The following CTTN variants were observed in gnomAD, a reference collection of about 807,000 sequenced individuals.
CTTN encodes src substrate cortactin.
A neutral mutation model predicts 84.0 loss-of-function variants in CTTN; 28 were observed. That is an observed-to-expected ratio of 0.33 (90% CI 0.25 to 0.46). The LOEUF (loss-of-function observed/expected upper bound fraction) is 0.46. CTTN is among the 20% of genes least tolerant of loss of function. The pLI is 1.00. For synonymous variants in CTTN, 301 were observed against 288.8 expected (o/e 1.04, Z -0.43); for missense variants, 641 against 723.8 (o/e 0.89, Z 1.31).
chr11:70,415,087 G>A (rs981468162), intron 6 of CTTN, among the ~76,000 whole-genome samples: 13 of 152,088 alleles, frequency 8.5e-5, no homozygotes, highest in Non-Finnish European at 1.3e-4. Context: ...GATTCTCTTC[G>A]GCTCGGGTCT....
Position 70,436,343 on chromosome 11 carries a change from G to T in CTTN, c.*1181G>T, listed in dbSNP as rs2058417085. 6.3e-7 allele frequency: 1 copy of T among 1,598,236 alleles called. No individual in the cohort carries two copies. The highest frequency in any genetic ancestry group is 1.7e-5 in the Admixed American group (1 of 59,996). On this transcript the variant is annotated 3_prime_UTR_variant, in exon 18 of 18. Transcript: ENST00000301843. ...ACCAGTCCCGTCGTGCAGTCAGGTGGGCGGTGTGTCTTTCCAGAAGGTCAC... is the reference window on the plus strand; with the variant it reads ...ACCAGTCCCGTCGTGCAGTCAGGTGTGCGGTGTGTCTTTCCAGAAGGTCAC...
At chr11:70,431,771 C>T (rs1287474511) in intron 15 of CTTN, among the ~76,000 whole-genome samples, 2 of 152,152 alleles carry the variant, frequency 1.3e-5, no homozygotes, top group East Asian at 3.8e-4. Flanking sequence ...TCCGGCCCCT[C>T]CCTGTGCTGC....
intron 17 of CTTN, 36 bp downstream of exon 17, chr11:70,433,754 C>T: frequency 7.1e-7 from 1 of 1,401,510 alleles, no homozygotes; most frequent in Non-Finnish European, 1.0e-6. Flanking sequence ...AGGGGAGACC[C>T]AGGCAGCTGC....
At chr11:70,433,309 C>G (rs1254954012) in intron 16 of CTTN, 31 bp downstream of exon 16, 1 of 1,573,620 alleles carries the variant, frequency 6.4e-7, no homozygotes, top group African/African-American at 1.4e-5. Context: ...AGCGCCCTGC[C>G]CAGGGCAGGG....
intron 11 of CTTN, 98 bp from the exon 12 acceptor site, chr11:70,422,842 C>T: frequency 1.3e-6 from 2 of 1,584,648 alleles, no homozygotes; most frequent in South Asian, 1.1e-5. Context: ...CTGTGGTGCA[C>T]CTTCTTGGGC....
At position 70,436,229 on chromosome 11, in the gene CTTN, C is replaced by G; in HGVS notation, c.*1067C>G. 1.3e-6 allele frequency: 2 copies of G among 1,583,866 alleles called. No individual in the cohort carries two copies. Among genetic ancestry groups the G allele is most frequent in the South Asian group, 2.2e-5 (2 of 89,706 alleles). ...AGTGTGTGTTCTTCCCCAAGGTCCC[C>G]CCACAGCTCCAGGACACCGCTGTCC... On this transcript the variant is annotated 3_prime_UTR_variant, in exon 18 of 18. Transcript: ENST00000301843.
chr11:70,433,582 C>T, intron 16 of CTTN, 65 bp from the exon 17 acceptor site: 1 of 1,263,526 alleles, frequency 7.9e-7, no homozygotes, highest in Non-Finnish European at 1.2e-6. Context: ...TCGTCTAAAA[C>T]TTGAGAAGGC....
chr11:70,399,502 A>G (rs1029311446), intron 1 of CTTN, among the ~76,000 whole-genome samples: 28 of 152,166 alleles, frequency 1.8e-4, no homozygotes, highest in African/African-American at 4.8e-4. Flanking sequence ...AGGTTTTGCA[A>G]TCAGGTCAGT....
At chr11:70,402,517 A>G (rs2057998755) in intron 1 of CTTN, among the ~76,000 whole-genome samples, 2 of 152,220 alleles carry the variant, frequency 1.3e-5, no homozygotes, top group South Asian at 2.1e-4. Context: ...GCCCTGGGCA[A>G]CCAGCAATGT....
At chr11:70,426,413 A>G (rs565821321) in intron 13 of CTTN, among the ~76,000 whole-genome samples, 235 of 150,534 alleles carry the variant, frequency 1.6e-3, no homozygotes, top group African/African-American at 5.5e-3. Flanking sequence ...TCCGTCTCAA[A>G]AAAAAAAAAA....
chr11:70,417,352 G>GTTAT (rs760706283), intron 8 of CTTN, among the ~76,000 whole-genome samples: 138 of 152,076 alleles, frequency 9.1e-4, no homozygotes, highest in Middle Eastern at 6.8e-3. Flanking sequence ...TGGAATTTAG[G>GTTAT]TTATTTATTT....
intron 12 of CTTN, among the ~76,000 whole-genome samples, 179 bp downstream of exon 12, chr11:70,423,174 G>A (rs1425438342): frequency 2.0e-5 from 3 of 152,270 alleles, no homozygotes; most frequent in African/African-American, 4.8e-5. Context: ...TGGCCGTGCT[G>A]TGGGATAGGC....
At chr11:70,414,450 A>G in intron 5 of CTTN, 92 bp from the exon 6 acceptor site, 1 of 903,546 alleles carries the variant, frequency 1.1e-6, no homozygotes, top group South Asian at 1.5e-5. Flanking sequence ...TGCACTGACC[A>G]GGATGTGGCC....
intron 1 of CTTN, among the ~76,000 whole-genome samples, chr11:70,404,578 G>A (rs2058022275): frequency 6.6e-6 from 1 of 152,140 alleles, no homozygotes. Context: ...GTTTTAAAAA[G>A]CTCACAGTAA....
chr11:70,431,376 G>A (rs1456341069), intron 15 of CTTN, 96 bp downstream of exon 15: 2 of 1,303,476 alleles, frequency 1.5e-6, no homozygotes, highest in African/African-American at 1.5e-5. Context: ...GGCAGGCAGT[G>A]TGGCGTGGGT....
rs1043232827 is a variant in CTTN at position 70,435,848 on chromosome 11, G to C, written c.*686G>C. The stretch of plus-strand genomic sequence containing the variant: ...CAGGTCACCGGGAGGGCTGCTGGGA[G>C]CCTCTCCTGTCCCCGCCGGGCAGTG... On this transcript the variant is annotated 3_prime_UTR_variant, in exon 18 of 18. Transcript: ENST00000301843. 2.6e-6 allele frequency: 4 copies of C among 1,524,902 alleles called. No individual in the cohort carries two copies. The African/African-American group carries it at 4.2e-5, about 16-fold the overall frequency. The allele number at this position is 1,524,902 out of a possible 1,614,324, so 94.5% of individuals were successfully genotyped here.
chr11:70,398,975 G>C (rs1297184740), intron 1 of CTTN, among the ~76,000 whole-genome samples: 1 of 150,856 alleles, frequency 6.6e-6, no homozygotes, highest in Non-Finnish European at 1.5e-5. Flanking sequence ...TCCAGGGCAG[G>C]AGAGGGGCCA....
At chr11:70,433,358 CGAGGA>C in intron 16 of CTTN, 80 bp downstream of exon 16, 1 of 1,407,486 alleles carries the variant, frequency 7.1e-7, no homozygotes, top group Non-Finnish European at 9.5e-7. Context: ...GGCGTCGTTG[CGAGGA>C]GCGTGGGTTT....
At chr11:70,418,840 G>A (rs147709361) in intron 8 of CTTN, among the ~76,000 whole-genome samples, 3,408 of 148,124 alleles carry the variant, frequency 0.023, 37 homozygotes, top group African/African-American at 0.034. Context: ...GCAGTGGTGC[G>A]ATCTCAGCTC....
Sources: allele counts gnomAD v4.1 joint callset (sites outside exome capture counted in the v4.1 genomes callset), GRCh38; gene constraint gnomAD v4.1.1; transcripts MANE v1.5; gene names NCBI Gene and HGNC (gene_info 2026-07-23, HGNC 2026-07-21).